SLC35F3: variants seen among roughly 807,000 people sequenced by gnomAD.
SLC35F3 encodes the protein putative thiamine transporter SLC35F3.
SLC35F3 carries 25 observed loss-of-function variants against 49.9 expected under a neutral mutation model. The ratio of observed to expected loss-of-function variants is 0.50; its 90% CI spans 0.37 to 0.70. The LOEUF (loss-of-function observed/expected upper bound fraction) is 0.70, where lower values mean the gene tolerates loss of function less well. SLC35F3 is among the 30% of genes least tolerant of loss of function. The probability of loss-of-function intolerance (pLI) is 0.00; values close to 1 mark genes in which losing one functional copy is unlikely to be tolerated. For synonymous variants in SLC35F3, 275 were observed against 265.4 expected, an observed-to-expected ratio of 1.04 and a Z score of -0.35; for missense variants, 525 against 639.8, an observed-to-expected ratio of 0.82 and a Z score of 1.94.
chr1:234,169,208 A>C (rs1345366759), intron 2 of SLC35F3, among the ~76,000 whole-genome samples: 1 of 152,128 alleles, frequency 6.6e-6, no homozygotes, highest in Non-Finnish European at 1.5e-5. Flanking sequence ...GCCCACCCGC[A>C]TTGGCAAGGG....
chr1:234,237,245 C>G (rs1667489389), intron 3 of SLC35F3, among the ~76,000 whole-genome samples: 1 of 152,020 alleles, frequency 6.6e-6, no homozygotes, highest in Admixed American at 6.6e-5. Context: ...GAATGACTGT[C>G]AGGTGTTTGT....
intron 2 of SLC35F3, among the ~76,000 whole-genome samples, chr1:234,110,521 G>A (rs1263747067): frequency 6.6e-6 from 1 of 152,240 alleles, no homozygotes; most frequent in Non-Finnish European, 1.5e-5. Flanking sequence ...TTTGCTGAAT[G>A]AGTGGACAGA....
intron 2 of SLC35F3, among the ~76,000 whole-genome samples, chr1:233,924,040 T>A (rs6671890): frequency 6.6e-6 from 1 of 152,132 alleles, no homozygotes; most frequent in African/African-American, 2.4e-5. Flanking sequence ...GCTGGATTTG[T>A]TTTGCCAGTA....
At chr1:234,206,506 G>T (rs73110450) in intron 2 of SLC35F3, among the ~76,000 whole-genome samples, 4,512 of 130,064 alleles carry the variant, frequency 0.035, 241 homozygotes, top group African/African-American at 0.12. Flanking sequence ...CCCGGGGGGG[G>T]GCTATTTCCA....
intron 2 of SLC35F3, among the ~76,000 whole-genome samples, chr1:234,021,335 A>C (rs761987090): frequency 6.6e-6 from 1 of 152,134 alleles, no homozygotes; most frequent in Non-Finnish European, 1.5e-5. Context: ...TCTAACATAG[A>C]CCCAGCATCC....
rs1013415328 is a variant in SLC35F3, at chr1:233,953,421, C to A, written c.283+47663C>A. Reference sequence around the variant, plus strand: ...AATGAGATTACCCTCTGAGAGTGAACTTAAAAGTCAACACATCAGTAATGA... The same window carrying A: ...AATGAGATTACCCTCTGAGAGTGAAATTAAAAGTCAACACATCAGTAATGA... On this transcript the variant is annotated intron_variant, in intron 2 of 7. Coordinates refer to ENST00000366618, the MANE Select transcript of SLC35F3 (RefSeq NM_173508.4). 4.6e-5 allele frequency among the ~76,000 whole-genome samples: 7 copies of A among 152,320 alleles called. No homozygotes were observed. In the East Asian group the frequency reaches 9.6e-4, roughly 21 times the overall value.
At chr1:234,022,261 A>G (rs982501728) in intron 2 of SLC35F3, among the ~76,000 whole-genome samples, 6 of 152,160 alleles carry the variant, frequency 3.9e-5, no homozygotes, top group African/African-American at 1.4e-4. Flanking sequence ...CAAAACCAAC[A>G]GGTTGTGTAT....
intron 2 of SLC35F3, among the ~76,000 whole-genome samples, chr1:233,981,331 T>C (rs1402929389): frequency 6.6e-6 from 1 of 152,230 alleles, no homozygotes; most frequent in Non-Finnish European, 1.5e-5. Flanking sequence ...CTGCCGCCTC[T>C]AACCCTACAC....
At chr1:233,993,406 A>G (rs1001102747) in intron 2 of SLC35F3, among the ~76,000 whole-genome samples, 4 of 152,204 alleles carry the variant, frequency 2.6e-5, no homozygotes, top group African/African-American at 9.6e-5. Flanking sequence ...CTCGTGAGAA[A>G]CTTGCTTGGA....
intron 3 of SLC35F3, among the ~76,000 whole-genome samples, chr1:234,246,097 G>T (rs933405182): frequency 8.5e-5 from 13 of 152,286 alleles, no homozygotes; most frequent in African/African-American, 3.1e-4. Flanking sequence ...CACAGCATCT[G>T]AAGCAAAGGT....
chr1:234,038,386 C>T (rs2102851775), intron 2 of SLC35F3, among the ~76,000 whole-genome samples: 1 of 150,736 alleles, frequency 6.6e-6, no homozygotes, highest in South Asian at 2.1e-4. Context: ...GAGTTGGTTC[C>T]AAGTCTTTGC....
At chr1:233,982,471 T>A (rs964842563) in intron 2 of SLC35F3, among the ~76,000 whole-genome samples, 1 of 151,892 alleles carries the variant, frequency 6.6e-6, no homozygotes, top group Non-Finnish European at 1.5e-5. Flanking sequence ...GTCTCCCGGG[T>A]TCAAGTGATT....
intron 2 of SLC35F3, among the ~76,000 whole-genome samples, chr1:234,215,469 C>G (rs766534626): frequency 5.9e-5 from 9 of 152,214 alleles, no homozygotes; most frequent in Non-Finnish European, 1.2e-4. Context: ...CAGGAGCAAG[C>G]CACCTTGGCC....
intron 2 of SLC35F3, among the ~76,000 whole-genome samples, chr1:234,076,649 T>C (rs1436873063): frequency 5.9e-5 from 9 of 151,890 alleles, no homozygotes; most frequent in Non-Finnish European, 1.3e-4. Flanking sequence ...TTAGTAGAGA[T>C]GGGGTTTCAC....
intron 2 of SLC35F3, among the ~76,000 whole-genome samples, chr1:233,912,183 A>G (rs1314076944): frequency 7.9e-5 from 12 of 152,164 alleles, no homozygotes; most frequent in African/African-American, 1.9e-4. Context: ...GTTCACTGCT[A>G]TGAGCCTCTA....
chr1:234,278,476 C>T (rs973694011), intron 3 of SLC35F3, among the ~76,000 whole-genome samples: 22 of 143,810 alleles, frequency 1.5e-4, no homozygotes, highest in South Asian at 2.2e-4. Context: ...GGCAACAGAG[C>T]GAGACTCTGT....
At chr1:233,992,646 A>C (rs959246107) in intron 2 of SLC35F3, among the ~76,000 whole-genome samples, 2 of 152,212 alleles carry the variant, frequency 1.3e-5, no homozygotes, top group African/African-American at 4.8e-5. Context: ...CCAGTTCTCA[A>C]TGCCATCACA....
chr1:234,201,888 G>T (rs1366581542), intron 2 of SLC35F3, among the ~76,000 whole-genome samples: 2 of 146,822 alleles, frequency 1.4e-5, no homozygotes, highest in African/African-American at 2.5e-5. Flanking sequence ...ACTCCAGCCT[G>T]GGCTACAGAG....
chr1:234,302,795 C>G (rs1668714057), intron 3 of SLC35F3, among the ~76,000 whole-genome samples: 1 of 152,074 alleles, frequency 6.6e-6, no homozygotes, highest in African/African-American at 2.4e-5. Flanking sequence ...AACTGTACCC[C>G]TCAAAGCTGT....
Sources: allele counts gnomAD v4.1 joint callset (sites outside exome capture counted in the v4.1 genomes callset), GRCh38; gene constraint gnomAD v4.1.1; transcripts MANE v1.5; gene names NCBI Gene and HGNC (gene_info 2026-07-23, HGNC 2026-07-21).